Variants in ITFG2 observed in about 807,000 individuals in gnomAD.
The protein encoded by ITFG2 is KICSTOR complex protein ITFG2.
In ITFG2, 36 loss-of-function variants were observed where a neutral mutation model predicts 54.4. The ratio of observed to expected loss-of-function variants is 0.66; its 90% CI spans 0.51 to 0.87. The LOEUF (loss-of-function observed/expected upper bound fraction) is 0.87. Ranked by LOEUF, ITFG2 falls within the 40% of genes least tolerant of loss-of-function variation. The pLI is 0.00. For synonymous variants in ITFG2, 211 were observed against 225.4 expected (o/e 0.94, Z 0.57); for missense variants, 524 against 576.7 (o/e 0.91, Z 0.94).
chr12:2,829,445 A>G (rs1198147564), downstream of ITFG2, among the ~76,000 whole-genome samples: 3 of 152,192 alleles, frequency 2.0e-5, no homozygotes, highest in East Asian at 1.9e-4. Flanking sequence ...ATATAACTCT[A>G]CTATATGGCA....
At chr12:2,856,500 G>A (rs1299303566) in intron 2 of ITFG2, among the ~76,000 whole-genome samples, 2 of 152,066 alleles carry the variant, frequency 1.3e-5, no homozygotes, top group Non-Finnish European at 2.9e-5. Flanking sequence ...TGAGTAGCTG[G>A]GATTACAGGC....
intron 2 of ITFG2, chr12:2,855,449 A>G: frequency 7.0e-7 from 1 of 1,431,642 alleles, no homozygotes; most frequent in Admixed American, 2.5e-5. Context: ...TGGACCATCT[A>G]GGGAGAGACA....
rs566249728 is a variant in ITFG2 at position 2,851,859 on chromosome 12, A to G, written n.301-6153A>G. On this transcript the variant is annotated intron_variant and non_coding_transcript_variant, in intron 2 of 3. Coordinates refer to the ITFG2 transcript ENST00000537710. ...ACGCCTGACTAATTTTTGTATTTGT[A>G]GTAGAGAGAGGGTTTCACCATGTTG... Among the ~76,000 whole-genome samples, 3 of 151,888 alleles carry G rather than the reference A, an allele frequency of 2.0e-5. No homozygotes were observed. The South Asian group carries it at 6.3e-4, about 32-fold the overall frequency.
In ITFG2 at chr12:2,818,158, C is replaced by T; in HGVS notation, c.287C>T (p.Thr96Ile). The T allele has an allele frequency of 1.2e-6, 2 of 1,614,208 alleles. No homozygotes were observed. Among genetic ancestry groups the T allele is most frequent in the East Asian group, 2.2e-5 (1 of 44,874 alleles). Residue 96 changes from threonine (T) to isoleucine (I), a missense_variant, in exon 4 of 12, where the codon ACA becomes ATA. Thr to Ile is a moderately conservative substitution (Grantham distance 89). Coordinates refer to ENST00000228799, the MANE Select transcript of ITFG2 (RefSeq NM_018463.4). ...AEGWFHLFDL[T>I]PAKVLDASGH... ...GGCTGGTTTCATTTGTTTGACCTGACACCTGCCAAGGTGTTGGATGCTTCT... is the reference window on the plus strand; with the variant it reads ...GGCTGGTTTCATTTGTTTGACCTGATACCTGCCAAGGTGTTGGATGCTTCT...
upstream of ITFG2, among the ~76,000 whole-genome samples, chr12:2,833,061 G>A (rs963595858): frequency 1.3e-5 from 2 of 151,976 alleles, no homozygotes; most frequent in African/African-American, 4.8e-5. Flanking sequence ...GGAGGGAGAC[G>A]ATGGGGTCTT....
intron 1 of ITFG2, among the ~76,000 whole-genome samples, chr12:2,816,094 G>A (rs868586626): frequency 9.3e-4 from 138 of 148,196 alleles, no homozygotes; most frequent in African/African-American, 2.7e-3. Context: ...GCAGTGGCAC[G>A]ATCTCGGCTC....
chr12:2,833,619 A>G (rs2098013926), upstream of ITFG2, among the ~76,000 whole-genome samples: 1 of 152,066 alleles, frequency 6.6e-6, no homozygotes, highest in African/African-American at 2.4e-5. Flanking sequence ...TCAGACTAGG[A>G]GAGGGGACAG....
rs1025164879 is a variant in ITFG2 at position 2,824,334 on chromosome 12, C to T, written c.*141C>T. On this transcript the variant is annotated 3_prime_UTR_variant, in exon 12 of 12. Coordinates refer to ENST00000228799, the MANE Select transcript of ITFG2 (RefSeq NM_018463.4). ...TCTGGGCATGAAAGATGGCAGCAGC[C>T]CTAGGGTGACCGTGAACTATAGACC... 1.2e-6 allele frequency: 1 copy of T among 862,092 alleles called. No homozygotes were observed. The highest frequency in any genetic ancestry group is 1.9e-6 in the Non-Finnish European group (1 of 527,954). 53.4% of individuals were successfully genotyped at this position (862,092 alleles called of 1,614,324 possible).
intron 2 of ITFG2, among the ~76,000 whole-genome samples, chr12:2,849,867 G>C (rs575965832): frequency 6.6e-6 from 1 of 152,318 alleles, no homozygotes; most frequent in Admixed American, 6.5e-5. Context: ...GTGACAGTGG[G>C]AAAATCACAG....
chr12:2,841,301 G>A (rs1400536784), intron 2 of ITFG2, among the ~76,000 whole-genome samples: 2 of 152,184 alleles, frequency 1.3e-5, no homozygotes, highest in African/African-American at 2.4e-5. Flanking sequence ...TCTGCAGAAC[G>A]GAGATCACGG....
In ITFG2 at chr12:2,822,871, C is replaced by G. The variant is rs751598980; in HGVS notation, c.1026C>G (p.Val342=). ...TYIIDHNRTV[V]RFQVDENIRA... is the part of the protein sequence containing the mutation. ...TCATTGATCACAACCGCACCGTCGTCCGCTTCCAAGTGGATGAAAATATCC... is the reference window on the plus strand; with the variant it reads ...TCATTGATCACAACCGCACCGTCGTGCGCTTCCAAGTGGATGAAAATATCC... The change falls in exon 10 of 12, where the codon GTC becomes GTG. Residue 342 remains valine (V), a synonymous_variant. Coordinates refer to ENST00000228799, the MANE Select transcript of ITFG2 (RefSeq NM_018463.4). 1 of 1,614,170 alleles carries G rather than the reference C, an allele frequency of 6.2e-7. No individual in the cohort carries two copies. Among genetic ancestry groups the G allele is most frequent in the South Asian group, 1.1e-5 (1 of 91,086 alleles).
Position 2,823,753 on chromosome 12 carries a change from C to T in ITFG2, c.1067-17C>T. The stretch of plus-strand genomic sequence containing the variant: ...CTGAAACTTCCTGACCTTTATCTCC[C>T]TGCCAACATCTTCCAGGCCTGTACG... On this transcript the variant is annotated splice_polypyrimidine_tract_variant and intron_variant, in intron 10 of 11. Transcript: ENST00000228799. The T allele has an allele frequency of 6.5e-7, 1 of 1,530,726 alleles. No homozygotes were observed. The highest frequency in any genetic ancestry group is 8.8e-7 in the Non-Finnish European group (1 of 1,137,070). 94.8% of individuals were successfully genotyped at this position (1,530,726 alleles called of 1,614,324 possible).
intron 1 of ITFG2, among the ~76,000 whole-genome samples, chr12:2,839,230 A>G (rs767497398): frequency 1.3e-5 from 2 of 152,176 alleles, no homozygotes; most frequent in African/African-American, 2.4e-5. Context: ...GGCAGAGGTT[A>G]CAGTGAGCCG....
Position 2,817,958 on chromosome 12 carries a change from C to G in ITFG2, c.234+8C>G. ...GTGTGTAATAAAGGAAAGGTAAGAA[C>G]TATAGGGGACCTTCCTTGGTTCTTA... is the stretch of plus-strand genomic sequence containing the variant. On this transcript the variant is annotated splice_region_variant and intron_variant, in intron 3 of 11. Coordinates refer to ENST00000228799, the MANE Select transcript of ITFG2 (RefSeq NM_018463.4). 6.2e-7 allele frequency: 1 copy of G among 1,613,552 alleles called. No individual in the cohort carries two copies. Among genetic ancestry groups the G allele is most frequent in the Non-Finnish European group, 8.5e-7 (1 of 1,179,776 alleles).
intron 1 of ITFG2, among the ~76,000 whole-genome samples, chr12:2,813,290 C>G (rs553520919): frequency 5.3e-5 from 8 of 152,340 alleles, no homozygotes; most frequent in African/African-American, 1.9e-4. Flanking sequence ...CCCAGCCCTT[C>G]TCGTTTTTTA....
At chr12:2,853,564 G>C (rs545968415) in intron 2 of ITFG2, among the ~76,000 whole-genome samples, 20 of 151,898 alleles carry the variant, frequency 1.3e-4, no homozygotes, top group Non-Finnish European at 2.2e-4. Flanking sequence ...TGAGCCACCA[G>C]GCCCGGCCTG....
chr12:2,855,933 A>G (rs2098085877), intron 2 of ITFG2, among the ~76,000 whole-genome samples: 1 of 152,096 alleles, frequency 6.6e-6, no homozygotes, highest in Non-Finnish European at 1.5e-5. Context: ...TTCCCATCCC[A>G]GACTCCTCTC....
downstream of ITFG2, chr12:2,827,553 C>T: frequency 6.2e-7 from 1 of 1,609,568 alleles, no homozygotes; most frequent in Non-Finnish European, 8.5e-7. The surrounding 1 kb of genome is among the most constrained non-coding windows in gnomAD (Gnocchi z 4.0). Flanking sequence ...AGAACCTGGT[C>T]CAGGTTCCAC....
rs777506969 is a variant in ITFG2 at position 2,854,854 on chromosome 12, C to T, written n.301-3158C>T. The T allele has an allele frequency of 2.1e-5, 31 of 1,495,838 alleles. No individual in the cohort carries two copies. The South Asian group carries it at 3.8e-4, about 18-fold the overall frequency. The allele number at this position is 1,495,838 out of a possible 1,614,324, so 92.7% of individuals were successfully genotyped here. A position where few individuals can be genotyped will look rare whatever the true frequency, so the allele number is the denominator to read the frequency against. ...CTGAGAGAGGGAGGGGTCACCTGGG[C>T]AGGGCAGGCTGGGTGGGCTCCCTGA... is the stretch of plus-strand genomic sequence containing the variant. On this transcript the variant is annotated intron_variant and non_coding_transcript_variant, in intron 2 of 3. Transcript: ENST00000537710.
Sources: allele counts gnomAD v4.1 joint callset (sites outside exome capture counted in the v4.1 genomes callset), GRCh38; gene constraint gnomAD v4.1.1; non-coding constraint Gnocchi (gnomAD v3.1); transcripts MANE v1.5; gene names NCBI Gene and HGNC (gene_info 2026-07-23, HGNC 2026-07-21).